Variants in TUBGCP3 observed in about 807,000 individuals in gnomAD.
TUBGCP3 encodes gamma-tubulin complex component 3.
Under a neutral mutation model 123.1 loss-of-function variants are expected in TUBGCP3, and 50 were observed. That is an observed-to-expected ratio of 0.41 (90% CI 0.32 to 0.51). The LOEUF (loss-of-function observed/expected upper bound fraction) is 0.51, where lower values mean the gene tolerates loss of function less well. Ranked by LOEUF, TUBGCP3 falls within the 20% of genes least tolerant of loss-of-function variation. TUBGCP3 has a pLI of 0.36. For missense variants in TUBGCP3, 882 were observed against 1,127.0 expected, an observed-to-expected ratio of 0.78 and a Z score of 3.11; for synonymous variants, 405 against 413.9, an observed-to-expected ratio of 0.98 and a Z score of 0.26.
chr13:112,496,783 G>A (rs1385819128), intron 20 of TUBGCP3, among the ~76,000 whole-genome samples: 7 of 152,062 alleles, frequency 4.6e-5, no homozygotes, highest in Non-Finnish European at 8.8e-5. Context: ...TCAGGAGATC[G>A]AGACCATCCT....
chr13:112,525,637 G>A (rs1876991232), intron 13 of TUBGCP3, among the ~76,000 whole-genome samples: 1 of 152,170 alleles, frequency 6.6e-6, no homozygotes, highest in Admixed American at 6.5e-5. Flanking sequence ...CTGAGGGTGG[G>A]GCAGGCGGCA....
intron 11 of TUBGCP3, among the ~76,000 whole-genome samples, chr13:112,542,926 TTG>T (rs1878646954): frequency 6.6e-6 from 1 of 152,174 alleles, no homozygotes; most frequent in African/African-American, 2.4e-5. Flanking sequence ...GGTGGGCGGA[TTG>T]CCTGAGCTCA....
intron 17 of TUBGCP3, among the ~76,000 whole-genome samples, chr13:112,509,542 C>T (rs1233144332): frequency 6.6e-6 from 1 of 152,258 alleles, no homozygotes; most frequent in Non-Finnish European, 1.5e-5. Context: ...TTTCCTTTTA[C>T]AGTCTTAAAG....
At chr13:112,546,041 CA>C in intron 10 of TUBGCP3, 176 bp from the exon 11 acceptor site, 1 of 609,128 alleles carries the variant, frequency 1.6e-6, no homozygotes, top group East Asian at 2.8e-5. Flanking sequence ...ATTCAGAAAC[CA>C]GGAGGTCCAG....
intron 19 of TUBGCP3, among the ~76,000 whole-genome samples, chr13:112,503,383 G>C (rs1157380651): frequency 6.6e-6 from 1 of 152,088 alleles, no homozygotes; most frequent in Non-Finnish European, 1.5e-5. Context: ...TTGTTTTGTT[G>C]TTTTGAGACA....
intron 11 of TUBGCP3, among the ~76,000 whole-genome samples, chr13:112,543,169 G>T (rs1878673999): frequency 6.6e-6 from 1 of 152,078 alleles, no homozygotes; most frequent in Admixed American, 6.6e-5. Flanking sequence ...GAGTGTGGCG[G>T]TCCATGCAGG....
At chr13:112,564,707 C>T (rs1012209968) in intron 3 of TUBGCP3, among the ~76,000 whole-genome samples, 5 of 152,094 alleles carry the variant, frequency 3.3e-5, no homozygotes, top group Admixed American at 6.5e-5. Flanking sequence ...TATCCAACCA[C>T]GTTCAAAATC....
chr13:112,494,197 G>A (rs1037297239), intron 20 of TUBGCP3, among the ~76,000 whole-genome samples: 1 of 148,162 alleles, frequency 6.7e-6, no homozygotes, highest in Non-Finnish European at 1.5e-5. Context: ...CTATGGGAAC[G>A]AGGCCTGGTG....
chr13:112,554,764 AT>A (rs1158912931), intron 7 of TUBGCP3, 122 bp downstream of exon 7: 1 of 661,142 alleles, frequency 1.5e-6, no homozygotes, highest in Non-Finnish European at 2.6e-6. Context: ...CCACAGTGCA[AT>A]TTCACCTCAC....
At chr13:112,594,442 A>G in the TUBGCP3 span, among the ~76,000 whole-genome samples, 1 of 152,200 alleles carries the variant, frequency 6.6e-6, no homozygotes, top group African/African-American at 2.4e-5. Flanking sequence ...AAAACTCCCA[A>G]CCTAAGACTA....
chr13:112,490,155 G>A (rs1365180069), intron 20 of TUBGCP3, among the ~76,000 whole-genome samples: 1 of 152,124 alleles, frequency 6.6e-6, no homozygotes, highest in East Asian at 1.9e-4. Flanking sequence ...TGTACTTTTT[G>A]GTACTGGAGA....
At chr13:112,570,449 G>A (rs1881309138) in intron 1 of TUBGCP3, among the ~76,000 whole-genome samples, 1 of 152,134 alleles carries the variant, frequency 6.6e-6, no homozygotes, top group Non-Finnish European at 1.5e-5. Flanking sequence ...ATAAAAGTTA[G>A]GTTTAATATA....
chr13:112,554,542 G>A (rs1879863652), intron 7 of TUBGCP3, among the ~76,000 whole-genome samples: 1 of 152,170 alleles, frequency 6.6e-6, no homozygotes. Context: ...AAAAGTGGGT[G>A]AAGACCCCTG....
intron 19 of TUBGCP3, 103 bp from the exon 20 acceptor site, chr13:112,499,288 A>T: frequency 7.2e-7 from 1 of 1,392,620 alleles, no homozygotes; most frequent in Non-Finnish European, 9.6e-7. Context: ...CAAGATATCA[A>T]CTGAAATTCC....
chr13:112,554,831 T>C lies in TUBGCP3; in HGVS notation c.840+56A>G, dbSNP rs112581614. ...ATCAATCAACAGCCACTATCTGGAC[T>C]TCATGACATGTTTTTTCTTTCTGAA... is the stretch of plus-strand genomic sequence containing the variant. On this transcript the variant is annotated intron_variant, in intron 7 of 21. Coordinates refer to ENST00000261965, the MANE Select transcript of TUBGCP3 (RefSeq NM_006322.6). 1.2e-5 allele frequency: 16 copies of C among 1,319,372 alleles called. No individual in the cohort carries two copies. In the African/African-American group the frequency reaches 2.2e-4, roughly 18 times the overall value. The allele number at this position is 1,319,372 out of a possible 1,614,324, so 81.7% of individuals were successfully genotyped here.
At chr13:112,521,498 G>T (rs895838570) in intron 14 of TUBGCP3, among the ~76,000 whole-genome samples, 1 of 152,190 alleles carries the variant, frequency 6.6e-6, no homozygotes, top group Non-Finnish European at 1.5e-5. Flanking sequence ...CCACACCTGA[G>T]AATCTCATTC....
intron 17 of TUBGCP3, among the ~76,000 whole-genome samples, chr13:112,506,010 T>C (rs1187642745): frequency 2.0e-5 from 3 of 152,242 alleles, no homozygotes; most frequent in South Asian, 2.1e-4. Flanking sequence ...ATACATTATA[T>C]ACCAGCACTC....
chr13:112,543,505 G>C (rs1878702739), intron 11 of TUBGCP3, among the ~76,000 whole-genome samples: 1 of 152,136 alleles, frequency 6.6e-6, no homozygotes, highest in African/African-American at 2.4e-5. Context: ...AAGTATAAAT[G>C]TGCAAAAACA....
At chr13:112,560,402 C>CCTGGGCGA (rs1880415007) in intron 3 of TUBGCP3, among the ~76,000 whole-genome samples, 1 of 151,066 alleles carries the variant, frequency 6.6e-6, no homozygotes, top group Non-Finnish European at 1.5e-5. Flanking sequence ...TGCACTCCAG[C>CCTGGGCGA]CTGGGCGACA....
Sources: gnomAD v4.1 joint callset for allele counts (sites outside exome capture counted in the v4.1 genomes callset) on GRCh38, gnomAD v4.1.1 for gene constraint, MANE v1.5 for transcripts, NCBI Gene and HGNC (gene_info 2026-07-23, HGNC 2026-07-21) for gene names.